The following CNTN5 variants were observed in gnomAD, a reference collection of about 807,000 sequenced individuals.
CNTN5 encodes the protein contactin 5.
Under a neutral mutation model 129.1 loss-of-function variants are expected in CNTN5, and 77 were observed. The observed-to-expected ratio is 0.60, with a 90% confidence interval of 0.50 to 0.72. The LOEUF is 0.72. CNTN5 is among the 30% of genes least tolerant of loss of function. The pLI, the probability that CNTN5 is intolerant of heterozygous loss-of-function variation, is 0.00. For missense variants in CNTN5, 1,478 were observed against 1,328.8 expected (o/e 1.11, Z -1.75); for synonymous variants, 509 against 465.6 (o/e 1.09, Z -1.20).
At chr11:100,092,568 C>G (rs1944829960) in intron 13 of CNTN5, among the ~76,000 whole-genome samples, 1 of 152,112 alleles carries the variant, frequency 6.6e-6, no homozygotes, top group Admixed American at 6.6e-5. Context: ...TTAACTAAAC[C>G]CTTTGATATA....
intron 6 of CNTN5, among the ~76,000 whole-genome samples, chr11:99,885,035 C>A (rs1487424905): frequency 6.6e-6 from 1 of 152,104 alleles, no homozygotes; most frequent in African/African-American, 2.4e-5. Flanking sequence ...GTAATGACAG[C>A]ACTCTGGGGG....
At chr11:99,880,162 C>A (rs1460713469) in intron 6 of CNTN5, among the ~76,000 whole-genome samples, 6 of 152,088 alleles carry the variant, frequency 3.9e-5, no homozygotes, top group Admixed American at 3.9e-4. Flanking sequence ...TGCATATGAT[C>A]AATGAGGCAA....
chr11:100,294,717 A>C (rs1173407359), intron 18 of CNTN5, among the ~76,000 whole-genome samples: 1 of 151,590 alleles, frequency 6.6e-6, no homozygotes, highest in African/African-American at 2.4e-5. Flanking sequence ...TAGATATTTG[A>C]TTATATTAAT....
At chr11:100,029,474 T>A (rs1941594262) in intron 9 of CNTN5, among the ~76,000 whole-genome samples, 1 of 151,908 alleles carries the variant, frequency 6.6e-6, no homozygotes, top group Non-Finnish European at 1.5e-5. Context: ...TCCCAGCTAC[T>A]CGGGAGGCTG....
At chr11:99,801,939 CATTCAT>C (rs1262292014) in intron 3 of CNTN5, among the ~76,000 whole-genome samples, 1 of 152,184 alleles carries the variant, frequency 6.6e-6, no homozygotes, top group East Asian at 1.9e-4. Context: ...GCCCCCAAAG[CATTCAT>C]ATTTTTTATG....
chr11:99,774,485 T>C (rs755159477), intron 3 of CNTN5, among the ~76,000 whole-genome samples: 5 of 127,142 alleles, frequency 3.9e-5, no homozygotes, highest in Non-Finnish European at 9.0e-5. Flanking sequence ...AAGAAATTCA[T>C]AGGAGAAGTA....
intron 7 of CNTN5, among the ~76,000 whole-genome samples, chr11:99,940,785 T>C (rs550088154): frequency 3.3e-5 from 5 of 152,096 alleles, no homozygotes; most frequent in African/African-American, 1.2e-4. Flanking sequence ...CTGGAAAATA[T>C]GGTATTTTTC....
At chr11:99,785,218 CTGTT>C (rs1945475457) in intron 3 of CNTN5, among the ~76,000 whole-genome samples, 1 of 152,092 alleles carries the variant, frequency 6.6e-6, no homozygotes. Context: ...TGAGAAATGT[CTGTT>C]TGTATCCTTC....
chr11:99,136,714 A>G (rs2155561), intron 1 of CNTN5, among the ~76,000 whole-genome samples: 130,989 of 152,094 alleles, frequency 0.86, 56,821 homozygotes, highest in East Asian at 0.99. Flanking sequence ...GGAAATGGCC[A>G]TATATAATAT....
chr11:99,848,925 T>G (rs1423741914), intron 6 of CNTN5, among the ~76,000 whole-genome samples: 1 of 152,138 alleles, frequency 6.6e-6, no homozygotes, highest in African/African-American at 2.4e-5. Context: ...CTTTGGTGAT[T>G]AACCATTATT....
chr11:100,148,128 C>T lies in CNTN5; in HGVS notation c.1581-42998C>T, dbSNP rs111278774. ...TTTTTAATAAGACCTTATCCATATA[C>T]TCATAATTTTTAAAAACTGTAACTC... On this transcript the variant is annotated intron_variant, in intron 13 of 24. Transcript: ENST00000524871. Among the ~76,000 whole-genome samples the T allele has an allele frequency of 3.6e-3, 555 of 152,238 alleles. 2 individuals carry two copies. Among genetic ancestry groups the T allele is most frequent in the Admixed American group, 6.3e-3 (97 of 15,286 alleles).
intron 6 of CNTN5, among the ~76,000 whole-genome samples, chr11:99,853,973 C>A (rs887625998): frequency 1.6e-4 from 24 of 152,260 alleles, no homozygotes; most frequent in African/African-American, 5.8e-4. Context: ...TTGTTCAACT[C>A]AAAACATACT....
chr11:100,224,468 CATT>C (rs1232611832), intron 15 of CNTN5, among the ~76,000 whole-genome samples: 1 of 152,074 alleles, frequency 6.6e-6, no homozygotes, highest in Non-Finnish European at 1.5e-5. Flanking sequence ...GCTGCTAAAT[CATT>C]ATATGCAATA....
At chr11:100,270,617 A>G (rs998775237) in intron 17 of CNTN5, among the ~76,000 whole-genome samples, 21 of 152,220 alleles carry the variant, frequency 1.4e-4, no homozygotes, top group African/African-American at 4.6e-4. Flanking sequence ...TAAGAATTCA[A>G]TGTTTCTACT....
intron 1 of CNTN5, among the ~76,000 whole-genome samples, chr11:99,162,348 G>A (rs1860660027): frequency 6.6e-6 from 1 of 151,420 alleles, no homozygotes; most frequent in Non-Finnish European, 1.5e-5. Context: ...TCACTGTCTT[G>A]CTTCGCTTTT....
chr11:99,394,005 C>T (rs927128023), intron 2 of CNTN5, among the ~76,000 whole-genome samples: 33 of 151,786 alleles, frequency 2.2e-4, no homozygotes, highest in African/African-American at 7.2e-4. Flanking sequence ...ATTTCTATTT[C>T]TTTCTTAACG....
intron 1 of CNTN5, among the ~76,000 whole-genome samples, chr11:99,297,438 A>G (rs1014978447): frequency 6.6e-6 from 1 of 150,632 alleles, no homozygotes. Flanking sequence ...CACAGAGTGC[A>G]AGGCAGATTA....
intron 1 of CNTN5, among the ~76,000 whole-genome samples, chr11:99,163,064 G>C (rs117287675): frequency 0.047 from 7,161 of 152,216 alleles, 195 homozygotes; most frequent in Middle Eastern, 0.065. Flanking sequence ...AAATAGGAGA[G>C]TGAAAATAGG....
chr11:99,461,326 C>T (rs1944689128), intron 2 of CNTN5, among the ~76,000 whole-genome samples: 1 of 152,050 alleles, frequency 6.6e-6, no homozygotes, highest in Admixed American at 6.6e-5. Flanking sequence ...CAGGTAAGAA[C>T]TGCCGTAGGT....
Sources: allele counts gnomAD v4.1 joint callset (sites outside exome capture counted in the v4.1 genomes callset), GRCh38; gene constraint gnomAD v4.1.1; transcripts MANE v1.5; gene names NCBI Gene and HGNC (gene_info 2026-07-23, HGNC 2026-07-21).